Variants in GLI2 observed in about 807,000 individuals in gnomAD.
GLI2 encodes the protein transcription activator GLI2.
In GLI2, 22 loss-of-function variants were observed where a neutral mutation model predicts 78.9. The observed-to-expected ratio is 0.28, with a 90% CI of 0.20 to 0.40. The LOEUF (loss-of-function observed/expected upper bound fraction) is 0.40, where lower values mean the gene tolerates loss of function less well. Among genes scored for constraint, GLI2 ranks in the 10% least tolerant of loss-of-function variants. The pLI, the probability that GLI2 is intolerant of heterozygous loss-of-function variation, is 1.00. For missense variants in GLI2, 2,097 were observed against 2,213.2 expected, an observed-to-expected ratio of 0.95 and a Z score of 1.05; for synonymous variants, 974 against 963.7, an observed-to-expected ratio of 1.01 and a Z score of -0.20.
At position 120,816,926 on chromosome 2, in the gene GLI2, T is replaced by C. The variant is rs75447011; in HGVS notation, c.148+19458T>C. Among the ~76,000 whole-genome samples, 1,251 of 152,344 alleles carry C rather than the reference T, an allele frequency of 8.2e-3. 17 individuals are homozygous for C. Among genetic ancestry groups the C allele is most frequent in the African/African-American group, 0.028 (1,154 of 41,570 alleles). ...CTGAAACAGATCAAAGGCCTTCCCATGCTGTTGGTTAAAATCCATGGGTCT... is the reference window on the plus strand; with the variant it reads ...CTGAAACAGATCAAAGGCCTTCCCACGCTGTTGGTTAAAATCCATGGGTCT... On this transcript the variant is annotated intron_variant, in intron 2 of 13. Coordinates refer to ENST00000361492, the MANE Select transcript of GLI2 (RefSeq NM_001374353.1).
At chr2:120,953,846 G>A (rs1445000856) in intron 4 of GLI2, among the ~76,000 whole-genome samples, 1 of 152,166 alleles carries the variant, frequency 6.6e-6, no homozygotes, top group African/African-American at 2.4e-5. Context: ...GTGAGATCCT[G>A]TCTCTAAAAA....
intron 2 of GLI2, among the ~76,000 whole-genome samples, chr2:120,803,870 C>A (rs1445855020): frequency 2.6e-5 from 4 of 152,208 alleles, no homozygotes; most frequent in Non-Finnish European, 4.4e-5. Context: ...AACAAGATCC[C>A]TTGGAGTATT....
intron 1 of GLI2, among the ~76,000 whole-genome samples, chr2:120,769,073 G>A (rs1316295855): frequency 3.3e-5 from 5 of 152,178 alleles, no homozygotes; most frequent in African/African-American, 4.8e-5. Flanking sequence ...ATTTGAAAAC[G>A]ATCCAACAGC....
chr2:120,798,459 G>T (rs911589177), intron 2 of GLI2, among the ~76,000 whole-genome samples: 1 of 152,252 alleles, frequency 6.6e-6, no homozygotes. Flanking sequence ...CCTCGGAGGG[G>T]CTTAGGAGTT....
chr2:120,963,885 C>A (rs779933315), intron 5 of GLI2, among the ~76,000 whole-genome samples: 1 of 152,214 alleles, frequency 6.6e-6, no homozygotes, highest in South Asian at 2.1e-4. Flanking sequence ...GGAGTCCTAG[C>A]GCATGCGATG....
At position 120,819,229 on chromosome 2, in the gene GLI2, AC is replaced by A. The variant is rs542497483; in HGVS notation, c.148+21762del. Among the ~76,000 whole-genome samples the A allele has an allele frequency of 2.7e-3, 379 of 139,370 alleles. 3 individuals are homozygous for A. The highest frequency in any genetic ancestry group is 9.4e-3 in the African/African-American group (351 of 37,306). 91.4% of individuals were successfully genotyped at this position (139,370 alleles called of 152,430 possible). A position where few individuals can be genotyped will look rare whatever the true frequency, so the allele number is the denominator to read the frequency against. On this transcript the variant is annotated intron_variant, in intron 2 of 13. Transcript: ENST00000361492. ...TAGATATTCAGAGTGACAGAGTGCC[AC>A]TAATAGAGATTTTTTTTTTTTTTTT...
At position 120,955,381 on chromosome 2, in the gene GLI2, G is replaced by T. The variant is rs775539906; in HGVS notation, c.594G>T (p.Gly198=). ...APYGDLLMQS[G]GAASAPHLHD... is the part of the protein sequence containing the mutation. Reference sequence around the variant, plus strand: ...ACGGGGACCTGCTGATGCAGAGCGGGGGCGCTGCCAGCGCACCCCATCTCC... The same window carrying T: ...ACGGGGACCTGCTGATGCAGAGCGGTGGCGCTGCCAGCGCACCCCATCTCC... The change falls in exon 5 of 14, where the codon GGG becomes GGT. Residue 198 remains glycine (G), a synonymous_variant. Transcript: ENST00000361492. 3 of 1,612,520 alleles carry T rather than the reference G, an allele frequency of 1.9e-6. No individual in the cohort carries two copies. The Admixed American group carries it at 5.0e-5, about 27-fold the overall frequency.
chr2:120,896,680 C>T (rs1677972683), intron 2 of GLI2, among the ~76,000 whole-genome samples: 1 of 137,090 alleles, frequency 7.3e-6, no homozygotes, highest in African/African-American at 2.8e-5. Context: ...CCCCCCCACA[C>T]ACTCACACAC....
intron 2 of GLI2, among the ~76,000 whole-genome samples, chr2:120,892,321 T>C (rs13382915): frequency 0.21 from 32,490 of 152,174 alleles, 5,205 homozygotes; most frequent in African/African-American, 0.45. Context: ...GCTGAGGAAC[T>C]ACGTGGTCAT....
At chr2:120,934,115 G>A (rs996991800) in intron 3 of GLI2, among the ~76,000 whole-genome samples, 1 of 152,212 alleles carries the variant, frequency 6.6e-6, no homozygotes, top group African/African-American at 2.4e-5. Context: ...AGAGTTTGGG[G>A]ACCACTGCAG....
intron 5 of GLI2, among the ~76,000 whole-genome samples, chr2:120,960,081 G>A (rs1681471875): frequency 1.3e-5 from 2 of 152,132 alleles, no homozygotes; most frequent in South Asian, 2.1e-4. Context: ...TGGTTGATTC[G>A]GCAGGTGTTT....
chr2:120,857,294 T>G (rs1687689698), intron 2 of GLI2, among the ~76,000 whole-genome samples: 1 of 151,358 alleles, frequency 6.6e-6, no homozygotes, highest in Non-Finnish European at 1.5e-5. Context: ...ACCACCCACC[T>G]ACCCATCTGC....
intron 6 of GLI2, among the ~76,000 whole-genome samples, chr2:120,969,304 G>A (rs1230022747): frequency 1.3e-5 from 2 of 152,344 alleles, no homozygotes; most frequent in African/African-American, 4.8e-5. Flanking sequence ...CTGGCAGCAG[G>A]CCTCCCTCTG....
At chr2:120,904,406 G>A (rs997277351) in intron 2 of GLI2, among the ~76,000 whole-genome samples, 3 of 152,164 alleles carry the variant, frequency 2.0e-5, no homozygotes, top group Non-Finnish European at 4.4e-5. Context: ...GGGAAGGCAG[G>A]GCCCTGGGCT....
At chr2:120,942,436 T>C (rs1190449851) in intron 3 of GLI2, among the ~76,000 whole-genome samples, 4 of 152,228 alleles carry the variant, frequency 2.6e-5, no homozygotes, top group African/African-American at 9.6e-5. Context: ...TCTCATCTTC[T>C]GTGTCTCAGA....
At chr2:120,975,169 C>T (rs933203555) in intron 9 of GLI2, 60 bp downstream of exon 9, 2 of 1,558,886 alleles carry the variant, frequency 1.3e-6, no homozygotes, top group Middle Eastern at 1.7e-4. Flanking sequence ...ATGCAGGATG[C>T]TGAGCCTTCC....
intron 2 of GLI2, among the ~76,000 whole-genome samples, chr2:120,801,134 T>C (rs1338244034): frequency 6.6e-6 from 1 of 152,144 alleles, no homozygotes; most frequent in Non-Finnish European, 1.5e-5. Context: ...GATTTCACTT[T>C]TTTGTTTGTT....
chr2:120,793,373 G>A (rs1389173971), intron 1 of GLI2, among the ~76,000 whole-genome samples: 2 of 152,190 alleles, frequency 1.3e-5, no homozygotes, highest in Admixed American at 6.5e-5. Flanking sequence ...CTGGAGCTCT[G>A]TGGAGCCCGT....
At chr2:120,771,657 G>A (rs1424304621) in intron 1 of GLI2, among the ~76,000 whole-genome samples, 4 of 152,220 alleles carry the variant, frequency 2.6e-5, no homozygotes, top group Non-Finnish European at 4.4e-5. Flanking sequence ...TGTCTTAGGG[G>A]GCCTTCTGCC....
Sources: allele counts gnomAD v4.1 joint callset (sites outside exome capture counted in the v4.1 genomes callset), GRCh38; gene constraint gnomAD v4.1.1; transcripts MANE v1.5; gene names NCBI Gene and HGNC (gene_info 2026-07-23, HGNC 2026-07-21).